Variants in DTWD1 observed in about 807,000 individuals in gnomAD.
DTWD1 encodes the protein DTW motif tRNA-uridine aminocarboxypropyltransferase 1.
A neutral mutation model predicts 30.2 loss-of-function variants in DTWD1; 27 were observed. The observed-to-expected ratio is 0.90, with a 90% CI of 0.66 to 1.23. The LOEUF (loss-of-function observed/expected upper bound fraction) is 1.23, where lower values mean the gene tolerates loss of function less well. DTWD1 is among the 50% of genes most tolerant of loss of function. The pLI is 0.00. For missense variants in DTWD1, 342 were observed against 348.8 expected, an observed-to-expected ratio of 0.98 and a Z score of 0.15; for synonymous variants, 99 against 113.1, an observed-to-expected ratio of 0.88 and a Z score of 0.79.
intron 2 of DTWD1, 40 bp downstream of exon 2, chr15:49,625,471 A>T: frequency 6.4e-7 from 1 of 1,554,808 alleles, no homozygotes; most frequent in South Asian, 1.2e-5. Context: ...ATGAAAATAG[A>T]TTTTTTAAAA....
At position 49,625,229 on chromosome 15, in the gene DTWD1, A is replaced by G; in HGVS notation, c.62A>G (p.Glu21Gly). ...GAAGAAAATAGTTCAAAATTTGTGG[A>G]AACAAAACAGTCACAAACTACTTCC... ...RSEENSSKFV[E>G]TKQSQTTSIA... Residue 21 changes from glutamate to glycine, a missense_variant, in exon 2 of 5, where the codon GAA becomes GGA. By Grantham distance (98) the Glu-to-Gly change is moderately conservative (BLOSUM62 -2). Transcript: ENST00000403028. The G allele has an allele frequency of 6.2e-6, 10 of 1,613,532 alleles. No homozygotes were observed. Among genetic ancestry groups the G allele is most frequent in the Non-Finnish European group, 7.6e-6 (9 of 1,179,640 alleles).
At chr15:49,642,228 TTC>T (rs1461913783) in intron 4 of DTWD1, among the ~76,000 whole-genome samples, 2 of 152,184 alleles carry the variant, frequency 1.3e-5, no homozygotes, top group Non-Finnish European at 2.9e-5. Flanking sequence ...TGATGCTACC[TTC>T]TCTCTTTTAT....
chr15:49,638,449 C>A (rs111518140), intron 4 of DTWD1, among the ~76,000 whole-genome samples: 63 of 152,288 alleles, frequency 4.1e-4, no homozygotes, highest in African/African-American at 1.4e-3. Context: ...GCATGACCTA[C>A]TTCAACCCCT....
At chr15:49,627,502 G>A (rs1157659192) in intron 2 of DTWD1, among the ~76,000 whole-genome samples, 1 of 152,090 alleles carries the variant, frequency 6.6e-6, no homozygotes, top group Non-Finnish European at 1.5e-5. Flanking sequence ...TGAGAAATGT[G>A]TCCTGAGAAA....
intron 1 of DTWD1, among the ~76,000 whole-genome samples, chr15:49,622,483 T>C (rs1385563730): frequency 4.6e-5 from 7 of 152,096 alleles, no homozygotes. Context: ...AATAAAAAAT[T>C]AATGTATTTT....
Position 49,656,003 on chromosome 15 carries a change from A to G in DTWD1, c.*12425A>G, listed in dbSNP as rs1247232397. On this transcript the variant is annotated 3_prime_UTR_variant, in exon 5 of 5. Coordinates refer to ENST00000403028, the MANE Select transcript of DTWD1 (RefSeq NM_001144955.2). ...TATTTTGTGGTTAAATGTGTTATAA[A>G]CATTTATTTAGTGAAATACAGTACA... The G allele has an allele frequency of 6.6e-6, 1 of 152,100 alleles. No homozygotes were observed. The highest frequency in any genetic ancestry group is 1.5e-5 in the Non-Finnish European group (1 of 67,998). The allele number at this position is 152,100 out of a possible 1,614,324, so 9.4% of individuals were successfully genotyped here.
At chr15:49,626,745 T>G (rs918941699) in intron 2 of DTWD1, 6 of 443,322 alleles carry the variant, frequency 1.4e-5, no homozygotes, top group African/African-American at 2.0e-5. Flanking sequence ...GAATTTCAGT[T>G]TAGCCTATAT....
Position 49,643,328 on chromosome 15 carries a change from C to G in DTWD1, c.668-3C>G. ...TTTCTTTTTTTTTTTTTTTTTTTGA[C>G]AGGGTTGTTACAAGTTGAGTTGAAA... On this transcript the variant is annotated splice_polypyrimidine_tract_variant and splice_region_variant and intron_variant, in intron 4 of 4. Transcript: ENST00000403028. 3 of 1,159,660 alleles carry G rather than the reference C, an allele frequency of 2.6e-6. No homozygotes were observed. The highest frequency in any genetic ancestry group is 3.6e-5 in the East Asian group (1 of 27,888). 71.8% of individuals were successfully genotyped at this position (1,159,660 alleles called of 1,614,324 possible).
chr15:49,623,978 G>A (rs1055135), intron 1 of DTWD1, among the ~76,000 whole-genome samples: 9,073 of 151,728 alleles, frequency 0.06, 708 homozygotes, highest in African/African-American at 0.18. Context: ...TTTGGCAAGT[G>A]CCTTTTTCTA....
chr15:49,652,823 C>T lies in DTWD1; in HGVS notation c.*9245C>T, dbSNP rs575520657. On this transcript the variant is annotated 3_prime_UTR_variant, in exon 5 of 5. Transcript: ENST00000403028. ...TGATTCACTTTAAGAAAGGACTGAC[C>T]TCCCAGTTGCAAGGAATGAGGTCAG... 6.6e-6 allele frequency: 1 copy of T among 152,214 alleles called. No homozygotes were observed. The highest frequency in any genetic ancestry group is 1.9e-4 in the East Asian group (1 of 5,152). The allele number at this position is 152,214 out of a possible 1,614,324, so 9.4% of individuals were successfully genotyped here. A position where few individuals can be genotyped will look rare whatever the true frequency, so the allele number is the denominator to read the frequency against.
intron 4 of DTWD1, 120 bp from the exon 5 acceptor site, chr15:49,643,211 T>TA (rs776488715): frequency 5.0e-4 from 577 of 1,144,186 alleles, no homozygotes; most frequent in African/African-American, 2.4e-3. Flanking sequence ...CTGCAGTCTT[T>TA]AAAAAAAAAT....
rs2079173138 is a variant in DTWD1, at chr15:49,655,577, C to A, written c.*11999C>A. Reference sequence around the variant, plus strand: ...CTATAAATATTGAGACATTCCCTTTCTACCTTTGGCTAAGAATTGGGGTGC... The same window carrying A: ...CTATAAATATTGAGACATTCCCTTTATACCTTTGGCTAAGAATTGGGGTGC... On this transcript the variant is annotated 3_prime_UTR_variant, in exon 5 of 5. Transcript: ENST00000403028. 1 of 152,002 alleles carries A rather than the reference C, an allele frequency of 6.6e-6. No individual in the cohort carries two copies. The highest frequency in any genetic ancestry group is 2.4e-5 in the African/African-American group (1 of 41,414). 9.4% of individuals were successfully genotyped at this position (152,002 alleles called of 1,614,324 possible).
intron 3 of DTWD1, 99 bp from the exon 4 acceptor site, chr15:49,634,437 G>A: frequency 1.5e-6 from 2 of 1,337,516 alleles, no homozygotes; most frequent in South Asian, 1.7e-5. Context: ...TTATTTCTCA[G>A]ATATTCAACA....
rs762867598 is a variant in DTWD1, at chr15:49,643,365, T to G, written c.702T>G (p.Thr234=). 22 of 1,553,536 alleles carry G rather than the reference T, an allele frequency of 1.4e-5. No individual in the cohort carries two copies. In the South Asian group the frequency reaches 2.3e-4, roughly 16 times the overall value. Residue 234 remains threonine (T), a synonymous_variant, in exon 5 of 5, where the codon ACT becomes ACG. Coordinates refer to ENST00000403028, the MANE Select transcript of DTWD1 (RefSeq NM_001144955.2). ...AAGTTGAGTTGAAAACAAGAAAAAC[T>G]TGCTTTTGGCGCCATCAAAAAGGAA... ...LLQVELKTRK[T]CFWRHQKGKP...
At chr15:49,630,602 A>G (rs2078906366) in intron 2 of DTWD1, among the ~76,000 whole-genome samples, 1 of 152,372 alleles carries the variant, frequency 6.6e-6, no homozygotes, top group South Asian at 2.1e-4. Flanking sequence ...CCAAAGTGAA[A>G]TAAGAAAAAT....
Position 49,634,965 on chromosome 15 carries a change from A to G in DTWD1, c.667+171A>G, listed in dbSNP as rs138970243. On this transcript the variant is annotated intron_variant, in intron 4 of 4. Transcript: ENST00000403028. ...ATGTGAGTGTGTATTTATATATTATATATTTTTTGGTTGATCAATTGAAAG... is the reference window on the plus strand; with the variant it reads ...ATGTGAGTGTGTATTTATATATTATGTATTTTTTGGTTGATCAATTGAAAG... Among the ~76,000 whole-genome samples, 858 of 152,150 alleles carry G rather than the reference A, an allele frequency of 5.6e-3. 7 individuals carry two copies. The highest frequency in any genetic ancestry group is 0.02 in the African/African-American group (816 of 41,518).
At position 49,647,859 on chromosome 15, in the gene DTWD1, G is replaced by A. The variant is rs1385656748; in HGVS notation, c.*4281G>A. 4 of 151,556 alleles carry A rather than the reference G, an allele frequency of 2.6e-5. No homozygotes were observed. The highest frequency in any genetic ancestry group is 9.7e-5 in the African/African-American group (4 of 41,328). The allele number at this position is 151,556 out of a possible 1,614,324, so 9.4% of individuals were successfully genotyped here. ...ATATTATATTCACAAAACAAGAATA[G>A]GAGAGTGTGAAAAAGAACAAGCAAT... is the stretch of plus-strand genomic sequence containing the variant. On this transcript the variant is annotated 3_prime_UTR_variant, in exon 5 of 5. Transcript: ENST00000403028.
chr15:49,625,733 C>T (rs1490256425), intron 2 of DTWD1, among the ~76,000 whole-genome samples: 1 of 152,124 alleles, frequency 6.6e-6, no homozygotes, highest in Non-Finnish European at 1.5e-5. Context: ...TTGGACCACA[C>T]AATCAAAACT....
Position 49,643,250 on chromosome 15 carries a change from T to C in DTWD1, c.668-81T>C, listed in dbSNP as rs950055862. The C allele has an allele frequency of 9.4e-6, 13 of 1,381,322 alleles. No homozygotes were observed. The African/African-American group carries it at 1.7e-4, about 18-fold the overall frequency. 85.6% of individuals were successfully genotyped at this position (1,381,322 alleles called of 1,614,324 possible). Reference sequence around the variant, plus strand: ...TAGAATAATTAAGAGAAATCATTATTATTGTACCAAGCCTGTGGTTAAGAA... The same window carrying C: ...TAGAATAATTAAGAGAAATCATTATCATTGTACCAAGCCTGTGGTTAAGAA... On this transcript the variant is annotated intron_variant, in intron 4 of 4. Coordinates refer to ENST00000403028, the MANE Select transcript of DTWD1 (RefSeq NM_001144955.2).
Sources: gnomAD v4.1 joint callset for allele counts (sites outside exome capture counted in the v4.1 genomes callset) on GRCh38, gnomAD v4.1.1 for gene constraint, MANE v1.5 for transcripts, NCBI Gene and HGNC (gene_info 2026-07-23, HGNC 2026-07-21) for gene names.